The following C9orf57 variants were observed in gnomAD, a reference collection of about 807,000 sequenced individuals.
C9orf57 encodes uncharacterized protein C9orf57.
C9orf57 carries 12 observed loss-of-function variants against 12.9 expected under a neutral mutation model. That is an observed-to-expected ratio of 0.93 (90% CI 0.60 to 1.51). C9orf57 has a LOEUF of 1.51. Among genes scored for constraint, C9orf57 ranks in the 40% most tolerant of loss-of-function variants. The pLI, the probability that C9orf57 is intolerant of heterozygous loss-of-function variation, is 0.00. For missense variants in C9orf57, 141 were observed against 162.8 expected, an observed-to-expected ratio of 0.87 and a Z score of 0.73; for synonymous variants, 49 against 57.1, an observed-to-expected ratio of 0.86 and a Z score of 0.64.
At chr9:72,058,510 G>A (rs573292158) in intron 2 of C9orf57, among the ~76,000 whole-genome samples, 1 of 152,246 alleles carries the variant, frequency 6.6e-6, no homozygotes, top group Admixed American at 6.5e-5. Context: ...CAGTGATAGA[G>A]AACTGATCAC....
At chr9:72,060,132 G>A (rs1824300707) in intron 1 of C9orf57, among the ~76,000 whole-genome samples, 2 of 152,054 alleles carry the variant, frequency 1.3e-5, no homozygotes, top group South Asian at 2.1e-4. Flanking sequence ...CTGCAACTTC[G>A]GCCTCCCCGG....
chr9:72,058,220 G>A (rs1824248370), intron 2 of C9orf57, among the ~76,000 whole-genome samples: 1 of 152,068 alleles, frequency 6.6e-6, no homozygotes, highest in South Asian at 2.1e-4. Context: ...GAGTGCAGTG[G>A]TGCAATCTCA....
chr9:72,055,524 G>A (rs1041979917), intron 4 of C9orf57, among the ~76,000 whole-genome samples: 14 of 151,610 alleles, frequency 9.2e-5, no homozygotes, highest in Admixed American at 2.0e-4. Context: ...TCCTGGGCTC[G>A]GGTGATCCTC....
At position 72,059,296 on chromosome 9, in the gene C9orf57, G is replaced by T; in HGVS notation, c.36C>A (p.Phe12Leu). ...GGAATAAGATAACACCTAAGAGGCG[G>T]AATAAGATAACACCAGCAAAAACAA... is the stretch of plus-strand genomic sequence containing the variant. ...RRIVFAGVIL[F>L]RLLGVILFRL... Residue 12 changes from phenylalanine to leucine, a missense_variant, in exon 2 of 5, where the codon TTC becomes TTA. Physicochemically the swap from Phe to Leu is conservative, Grantham distance 22. Coordinates refer to ENST00000651200, the MANE Select transcript of C9orf57 (RefSeq NM_001128618.2). The T allele has an allele frequency of 6.4e-7, 1 of 1,551,628 alleles. No homozygotes were observed. The highest frequency in any genetic ancestry group is 1.2e-5 in the South Asian group (1 of 84,054).
intron 4 of C9orf57, among the ~76,000 whole-genome samples, chr9:72,055,841 A>G (rs1824187858): frequency 6.6e-6 from 1 of 152,100 alleles, no homozygotes; most frequent in Admixed American, 6.6e-5. Flanking sequence ...AATCTTGTCT[A>G]TAAGACTCAT....
chr9:72,055,877 T>C (rs1192772825), intron 4 of C9orf57, among the ~76,000 whole-genome samples, 197 bp downstream of exon 4: 2 of 152,104 alleles, frequency 1.3e-5, no homozygotes, highest in Non-Finnish European at 2.9e-5. Flanking sequence ...GCAAATTACT[T>C]AATCGTTCGT....
intron 2 of C9orf57, among the ~76,000 whole-genome samples, chr9:72,058,920 C>A (rs1040769831): frequency 6.6e-6 from 1 of 152,066 alleles, no homozygotes; most frequent in Admixed American, 6.6e-5. Flanking sequence ...TCTTGTTGCC[C>A]AGGCTGGAGT....
chr9:72,058,743 T>A (rs1824260640), intron 2 of C9orf57, among the ~76,000 whole-genome samples: 1 of 152,216 alleles, frequency 6.6e-6, no homozygotes, highest in African/African-American at 2.4e-5. Flanking sequence ...TAGAAAACAG[T>A]GTGGCTGATG....
chr9:72,060,103 A>G (rs1185941120), intron 1 of C9orf57, among the ~76,000 whole-genome samples: 1 of 152,066 alleles, frequency 6.6e-6, no homozygotes, highest in Non-Finnish European at 1.5e-5. Context: ...CTGGAGTGCA[A>G]TGGCGTGATC....
Position 72,052,172 on chromosome 9 carries a change from T to C in C9orf57, c.*124A>G, listed in dbSNP as rs1463271264. The C allele has an allele frequency of 9.4e-6, 10 of 1,059,574 alleles. No homozygotes were observed. The highest frequency in any genetic ancestry group is 1.3e-5 in the Non-Finnish European group (10 of 762,586). 65.6% of individuals were successfully genotyped at this position (1,059,574 alleles called of 1,614,324 possible). A position where few individuals can be genotyped will look rare whatever the true frequency, so the allele number is the denominator to read the frequency against. On this transcript the variant is annotated 3_prime_UTR_variant, in exon 5 of 5. Coordinates refer to ENST00000651200, the MANE Select transcript of C9orf57 (RefSeq NM_001128618.2). Reference sequence around the variant, plus strand: ...AAAGTCAATTTCAGATCAAAATTCCTTCTACCTACAAGGGTCTGAGGTTTC... The same window carrying C: ...AAAGTCAATTTCAGATCAAAATTCCCTCTACCTACAAGGGTCTGAGGTTTC...
chr9:72,055,729 G>A (rs1296387411), intron 4 of C9orf57, among the ~76,000 whole-genome samples: 1 of 152,116 alleles, frequency 6.6e-6, no homozygotes, highest in East Asian at 1.9e-4. Context: ...GAAGGGCTCT[G>A]AAAATTGTGT....
intron 2 of C9orf57, among the ~76,000 whole-genome samples, chr9:72,057,891 A>G (rs1370866219): frequency 2.6e-5 from 4 of 152,230 alleles, no homozygotes; most frequent in Non-Finnish European, 5.9e-5. Flanking sequence ...ATATAGAAAT[A>G]GCCCAGAGAT....
chr9:72,055,393 C>T (rs1292490299), intron 4 of C9orf57, among the ~76,000 whole-genome samples: 2 of 98,446 alleles, frequency 2.0e-5, no homozygotes, highest in Non-Finnish European at 4.0e-5. Context: ...TCCTTCCTTC[C>T]TTCCTTCCTT....
chr9:72,056,202 A>G lies in C9orf57; in HGVS notation c.158-6T>C. 2 of 1,547,656 alleles carry G rather than the reference A, an allele frequency of 1.3e-6. No individual in the cohort carries two copies. Among genetic ancestry groups the G allele is most frequent in the South Asian group, 1.2e-5 (1 of 83,362 alleles). On this transcript the variant is annotated splice_polypyrimidine_tract_variant and splice_region_variant and intron_variant, in intron 3 of 4. Coordinates refer to ENST00000651200, the MANE Select transcript of C9orf57 (RefSeq NM_001128618.2). ...GCAAATCAAACCTCCAACATCTCCA[A>G]GTACAGGGGCAGAAAAATGAGAAAG... is the stretch of plus-strand genomic sequence containing the variant.
chr9:72,060,141 G>A (rs772239210), intron 1 of C9orf57, among the ~76,000 whole-genome samples: 6 of 152,092 alleles, frequency 3.9e-5, no homozygotes, highest in East Asian at 3.9e-4. Flanking sequence ...CGGCCTCCCC[G>A]GTTCAAGCGA....
At position 72,057,710 on chromosome 9, in the gene C9orf57, G is replaced by A. The variant is rs1039540151; in HGVS notation, c.98-867C>T. Among the ~76,000 whole-genome samples, 4 of 152,070 alleles carry A rather than the reference G, an allele frequency of 2.6e-5. No individual in the cohort carries two copies. In the South Asian group the frequency reaches 6.2e-4, roughly 24 times the overall value. On this transcript the variant is annotated intron_variant, in intron 2 of 4. Transcript: ENST00000651200. Reference sequence around the variant, plus strand: ...AAATCACCCCAAATTTATTTTACCAGAAAATTTAATTTCAGCCACATATTC... The same window carrying A: ...AAATCACCCCAAATTTATTTTACCAAAAAATTTAATTTCAGCCACATATTC...
intron 4 of C9orf57, 53 bp from the exon 5 acceptor site, chr9:72,052,488 G>A: frequency 2.0e-6 from 3 of 1,507,272 alleles, no homozygotes; most frequent in South Asian, 2.5e-5. Flanking sequence ...AACCTATGTG[G>A]CCTCAGATGC....
chr9:72,057,111 C>T (rs555713275), intron 2 of C9orf57, among the ~76,000 whole-genome samples: 5 of 152,056 alleles, frequency 3.3e-5, no homozygotes, highest in Middle Eastern at 3.4e-3. Context: ...GATGGGGTTT[C>T]GCTATGTTGC....
intron 2 of C9orf57, 112 bp downstream of exon 2, chr9:72,059,122 AC>A: frequency 7.3e-7 from 1 of 1,368,852 alleles, no homozygotes; most frequent in Admixed American, 2.3e-5. Flanking sequence ...GACCTGATCC[AC>A]CCGCCTCAGC....
Sources: gnomAD v4.1 joint callset for allele counts (sites outside exome capture counted in the v4.1 genomes callset) on GRCh38, gnomAD v4.1.1 for gene constraint, MANE v1.5 for transcripts, NCBI Gene and HGNC (gene_info 2026-07-23, HGNC 2026-07-21) for gene names.